ABTB3: variants seen among roughly 807,000 people sequenced by gnomAD.
The protein encoded by ABTB3 is ankyrin repeat and BTB domain containing 3.
chr12:107,540,675 C>T, the ABTB3 span, among the ~76,000 whole-genome samples: 1 of 152,082 alleles, frequency 6.6e-6, no homozygotes, highest in African/African-American at 2.4e-5. Flanking sequence ...ATTTCGACAA[C>T]TCCTATTAGA....
chr12:107,390,374 G>A, the ABTB3 span, among the ~76,000 whole-genome samples: 2 of 152,216 alleles, frequency 1.3e-5, no homozygotes, highest in Non-Finnish European at 2.9e-5. Context: ...TGTGAGTGAG[G>A]GAGCCTGGAT....
At chr12:107,636,204 T>C in the ABTB3 span, among the ~76,000 whole-genome samples, 1 of 152,148 alleles carries the variant, frequency 6.6e-6, no homozygotes, top group Non-Finnish European at 1.5e-5. Context: ...GAAGAAACCT[T>C]TCCATCAGGC....
chr12:107,502,219 C>G, the ABTB3 span, among the ~76,000 whole-genome samples: 1 of 152,032 alleles, frequency 6.6e-6, no homozygotes, highest in East Asian at 1.9e-4. Context: ...TGCATGCCGC[C>G]TTGCCTGGCT....
the ABTB3 span, among the ~76,000 whole-genome samples, chr12:107,384,207 CAGGGAGGTAGAAACCA>C: frequency 0.049 from 7,436 of 152,256 alleles, 225 homozygotes; most frequent in Middle Eastern, 0.092. Context: ...TCTCAACATC[CAGGGAGGTAGAAACCA>C]ATTTTACAAA....
chr12:107,456,243 A>T, the ABTB3 span, among the ~76,000 whole-genome samples: 1 of 152,224 alleles, frequency 6.6e-6, no homozygotes, highest in Non-Finnish European at 1.5e-5. Context: ...TATGTAACTC[A>T]GGGGTCCCCA....
At chr12:107,612,996 T>C in the ABTB3 span, 1 of 865,538 alleles carries the variant, frequency 1.2e-6, no homozygotes, top group Middle Eastern at 3.3e-4. Context: ...AGCTCTTTCC[T>C]GTGTCCTTTT....
chr12:107,476,750 C>T, the ABTB3 span, among the ~76,000 whole-genome samples: 10 of 151,458 alleles, frequency 6.6e-5, no homozygotes, highest in Non-Finnish European at 1.3e-4. Flanking sequence ...TCATCCCCCA[C>T]CCCCAAGCAG....
At chr12:107,456,673 C>A in the ABTB3 span, among the ~76,000 whole-genome samples, 1 of 152,008 alleles carries the variant, frequency 6.6e-6, no homozygotes, top group Non-Finnish European at 1.5e-5. Flanking sequence ...CCAAAACCAT[C>A]CCCCTACCCC....
the ABTB3 span, among the ~76,000 whole-genome samples, chr12:107,644,242 G>C: frequency 1.3e-5 from 2 of 152,190 alleles, no homozygotes; most frequent in African/African-American, 2.4e-5. Context: ...CTGAGAGTAA[G>C]AACAGTTCTC....
the ABTB3 span, among the ~76,000 whole-genome samples, chr12:107,350,378 G>T: frequency 6.6e-6 from 1 of 151,762 alleles, no homozygotes; most frequent in Non-Finnish European, 1.5e-5. Context: ...GTGAAACCCC[G>T]TCTCTACTAA....
the ABTB3 span, chr12:107,544,266 G>A: frequency 1.1e-5 from 11 of 1,012,656 alleles, no homozygotes; most frequent in South Asian, 4.9e-5. Context: ...GAGTGGTCCC[G>A]GTGGGAACCT....
chr12:107,423,576 G>T, the ABTB3 span, among the ~76,000 whole-genome samples: 2,035 of 152,232 alleles, frequency 0.013, 20 homozygotes, highest in Middle Eastern at 0.024. Context: ...GTGTGGGGCC[G>T]GGAGGAGAGA....
chr12:107,472,977 G>A, the ABTB3 span, among the ~76,000 whole-genome samples: 1 of 152,160 alleles, frequency 6.6e-6, no homozygotes, highest in Non-Finnish European at 1.5e-5. Context: ...TACCATTCCA[G>A]TGTCCTTGCT....
At chr12:107,437,657 C>G in the ABTB3 span, among the ~76,000 whole-genome samples, 1 of 152,174 alleles carries the variant, frequency 6.6e-6, no homozygotes, top group Non-Finnish European at 1.5e-5. Flanking sequence ...CTGCCTTAGC[C>G]TCCCAAAGTG....
chr12:107,605,245 T>C, the ABTB3 span, among the ~76,000 whole-genome samples: 1 of 152,198 alleles, frequency 6.6e-6, no homozygotes, highest in Admixed American at 6.5e-5. Context: ...CAGGCACTGA[T>C]GGGTATACAA....
At chr12:107,522,788 AAGGG>A in the ABTB3 span, among the ~76,000 whole-genome samples, 8 of 132,410 alleles carry the variant, frequency 6.0e-5, no homozygotes, top group East Asian at 5.2e-4. Context: ...GGAAAGAAGG[AAGGG>A]AGGGAGGGAG....
the ABTB3 span, among the ~76,000 whole-genome samples, chr12:107,453,146 A>G: frequency 2.6e-5 from 4 of 152,254 alleles, no homozygotes; most frequent in African/African-American, 9.6e-5. Context: ...AACCAAGGGG[A>G]GGCCAGGCTG....
the ABTB3 span, among the ~76,000 whole-genome samples, chr12:107,356,665 C>A: frequency 4.6e-5 from 7 of 152,228 alleles, no homozygotes; most frequent in Non-Finnish European, 1.0e-4. Context: ...GTGCCACTTG[C>A]TGTTTTCCTT....
At chr12:107,528,740 C>T in the ABTB3 span, among the ~76,000 whole-genome samples, 5 of 152,156 alleles carry the variant, frequency 3.3e-5, no homozygotes, top group African/African-American at 1.2e-4. Flanking sequence ...GACCTTGGGA[C>T]TAGGCTGCTG....
Sources: gnomAD v4.1 joint callset for allele counts (sites outside exome capture counted in the v4.1 genomes callset) on GRCh38, gnomAD v4.1.1 for gene constraint, MANE v1.5 for transcripts, NCBI Gene and HGNC (gene_info 2026-07-23, HGNC 2026-07-21) for gene names.